ADAMTS8: variants seen among roughly 807,000 people sequenced by gnomAD.
The protein encoded by ADAMTS8 is A disintegrin and metalloproteinase with thrombospondin motifs 8.
In ADAMTS8, 50 loss-of-function variants were observed where a neutral mutation model predicts 64.4. That is an observed-to-expected ratio of 0.78 (90% CI 0.62 to 0.98). The LOEUF is 0.98. Ranked by LOEUF, ADAMTS8 falls within the 50% of genes least tolerant of loss-of-function variation. The probability of loss-of-function intolerance (pLI) is 0.00; values close to 1 mark genes in which losing one functional copy is unlikely to be tolerated. For missense variants in ADAMTS8, 1,192 were observed against 1,208.2 expected (o/e 0.99, Z 0.20); for synonymous variants, 556 against 533.6 (o/e 1.04, Z -0.58).
At chr11:130,406,906 C>A (rs1861892056) in intron 8 of ADAMTS8, among the ~76,000 whole-genome samples, 1 of 152,040 alleles carries the variant, frequency 6.6e-6, no homozygotes. Context: ...GTCAGGCGGG[C>A]TTTTTGCTTT....
chr11:130,428,397 A>C lies in ADAMTS8; in HGVS notation c.-111T>G. The C allele has an allele frequency of 8.5e-7, 1 of 1,173,268 alleles. No homozygotes were observed. The highest frequency in any genetic ancestry group is 1.1e-6 in the Non-Finnish European group (1 of 943,274). 72.7% of individuals were successfully genotyped at this position (1,173,268 alleles called of 1,614,324 possible). ...CGCTCTCTCCAGGAAAAGCGGAATCAATCGGGTGCAAGGCCGACTCGGCCC... is the reference window on the plus strand; with the variant it reads ...CGCTCTCTCCAGGAAAAGCGGAATCCATCGGGTGCAAGGCCGACTCGGCCC... On this transcript the variant is annotated 5_prime_UTR_variant, in exon 1 of 9. In the 5' UTR this introduces an upstream ATG that the reference lacks. Coordinates refer to ENST00000257359, the MANE Select transcript of ADAMTS8 (RefSeq NM_007037.6).
chr11:130,409,702 G>A (rs552559238), intron 6 of ADAMTS8, among the ~76,000 whole-genome samples: 2 of 152,326 alleles, frequency 1.3e-5, no homozygotes, highest in South Asian at 4.1e-4. Context: ...ACCTGTGCCT[G>A]CCTCCTCTCC....
In ADAMTS8 at chr11:130,411,182, A is replaced by G. The variant is rs1332487191; in HGVS notation, c.1750+235T>C. ...GACTTTGCCAGGCTCTCTGAACACT[A>G]TGAGAGCTGTCCCGGGTCCCTGAGA... On this transcript the variant is annotated intron_variant, in intron 6 of 8. Coordinates refer to ENST00000257359, the MANE Select transcript of ADAMTS8 (RefSeq NM_007037.6). The surrounding 1 kb of genome is among the most constrained non-coding windows in gnomAD (Gnocchi z 4.2). 6.6e-6 allele frequency among the ~76,000 whole-genome samples: 1 copy of G among 152,086 alleles called. No homozygotes were observed. Among genetic ancestry groups the G allele is most frequent in the African/African-American group, 2.4e-5 (1 of 41,410 alleles).
chr11:130,424,962 C>G (rs1183503904), intron 1 of ADAMTS8, among the ~76,000 whole-genome samples: 1 of 152,070 alleles, frequency 6.6e-6, no homozygotes, highest in Non-Finnish European at 1.5e-5. Context: ...ACTCAGAAGT[C>G]AACCCCCTAG....
chr11:130,422,730 A>C (rs1862117175), intron 1 of ADAMTS8, among the ~76,000 whole-genome samples: 1 of 152,244 alleles, frequency 6.6e-6, no homozygotes, highest in Non-Finnish European at 1.5e-5. Context: ...GCTGACGCTG[A>C]ACTACAAGTC....
chr11:130,426,559 CACCCCTCTTCTGGAAGCCTT>C (rs1294181087), intron 1 of ADAMTS8, among the ~76,000 whole-genome samples: 4 of 152,324 alleles, frequency 2.6e-5, no homozygotes, highest in African/African-American at 9.6e-5. Context: ...GGGCAAAGAG[CACCCCTCTTCTGGAAGCCTT>C]ACCCTCTTTT....
rs778159672 is a variant in ADAMTS8, at chr11:130,411,360, T to A, written c.1750+57A>T. 10 of 1,573,844 alleles carry A rather than the reference T, an allele frequency of 6.4e-6. No homozygotes were observed. Among genetic ancestry groups the A allele is most frequent in the Admixed American group, 1.7e-5 (1 of 57,582 alleles). ...TCCCACTTTACACATCCTCTGGGGA[T>A]GCGTCATAGCAATGATAGTAGCTGC... On this transcript the variant is annotated intron_variant, in intron 6 of 8. Transcript: ENST00000257359. The surrounding 1 kb of genome is among the most constrained non-coding windows in gnomAD (Gnocchi z 4.2).
chr11:130,406,142 A>C lies in ADAMTS8; in HGVS notation c.2100-14T>G, dbSNP rs1296471925. 1 of 1,598,786 alleles carries C rather than the reference A, an allele frequency of 6.3e-7. No homozygotes were observed. The highest frequency in any genetic ancestry group is 1.3e-5 in the African/African-American group (1 of 74,862). ...TTGTAGCCATAACTGTGATAGAAACAGAAGGACACCCTTAGACCAGTGGCT... is the reference window on the plus strand; with the variant it reads ...TTGTAGCCATAACTGTGATAGAAACCGAAGGACACCCTTAGACCAGTGGCT... On this transcript the variant is annotated splice_polypyrimidine_tract_variant and intron_variant, in intron 8 of 8. Transcript: ENST00000257359.
At chr11:130,414,056 G>C (rs1489603847) in intron 5 of ADAMTS8, among the ~76,000 whole-genome samples, 1 of 149,434 alleles carries the variant, frequency 6.7e-6, no homozygotes, top group Non-Finnish European at 1.5e-5. Context: ...GCTTTGGTTT[G>C]TTTGTTAAAA....
At chr11:130,410,771 C>T (rs1456707850) in intron 6 of ADAMTS8, among the ~76,000 whole-genome samples, 1 of 152,130 alleles carries the variant, frequency 6.6e-6, no homozygotes, top group Non-Finnish European at 1.5e-5. Flanking sequence ...AGTTAATGTT[C>T]ATGGTTTCCA....
chr11:130,413,493 C>T (rs1054348120), intron 5 of ADAMTS8, among the ~76,000 whole-genome samples: 27 of 152,120 alleles, frequency 1.8e-4, no homozygotes, highest in African/African-American at 4.3e-4. Flanking sequence ...TGGCGGGGAC[C>T]GGGCTGTGAA....
chr11:130,414,862 A>T (rs1862001708), intron 4 of ADAMTS8, 30 bp from the exon 5 acceptor site: 1 of 1,570,484 alleles, frequency 6.4e-7, no homozygotes, highest in Admixed American at 1.8e-5. Flanking sequence ...GGGTGTAAGA[A>T]CATGCACAGG....
Position 130,408,792 on chromosome 11 carries a change from G to A in ADAMTS8, c.1899C>T (p.Ser633=), listed in dbSNP as rs765484464. The part of the protein sequence containing the change: ...CKLFCRARGR[S]EFKVFEAKVI... ...CCTTGGCCTCGAACACTTTGAACTC[G>A]CTCCTCCCCCGGGCTCGGCAGAACA... Residue 633 remains serine (S), a synonymous_variant, in exon 7 of 9, where the codon AGC becomes AGT. Coordinates refer to ENST00000257359, the MANE Select transcript of ADAMTS8 (RefSeq NM_007037.6). 9 of 1,613,970 alleles carry A rather than the reference G, an allele frequency of 5.6e-6. No individual in the cohort carries two copies. Among genetic ancestry groups the A allele is most frequent in the South Asian group, 4.4e-5 (4 of 91,072 alleles).
intron 2 of ADAMTS8, among the ~76,000 whole-genome samples, chr11:130,418,657 G>A (rs550276194): frequency 6.6e-6 from 1 of 152,344 alleles, no homozygotes; most frequent in East Asian, 1.9e-4. Context: ...TGCCGTGTAG[G>A]TGGGCAGCCC....
chr11:130,416,277 C>T lies in ADAMTS8; in HGVS notation c.1150G>A (p.Gly384Arg), dbSNP rs760656228. The change falls in exon 4 of 9, where the codon GGG (glycine) becomes AGG (arginine). Residue 384 changes from glycine (G) to arginine (R), a missense_variant. Around this residue, in one of 5 missense-constraint regions of ADAMTS8, gnomAD observed 741 missense variants for 710.6 expected, o/e 1.04. Coordinates refer to ENST00000257359, the MANE Select transcript of ADAMTS8 (RefSeq NM_007037.6). The surrounding 1 kb of genome is among the most constrained non-coding windows in gnomAD (Gnocchi z 4.8). ...DDSKPCTRLF[G>R]PMGKHHVMAP... ...ATCACGTGGTGCTTGCCCATGGGCC[C>T]GAAGAGCCGTGTGCAGGGCTTGGAG... is the stretch of plus-strand genomic sequence containing the variant. The T allele has an allele frequency of 5.6e-5, 88 of 1,578,072 alleles. No homozygotes were observed. The Middle Eastern group carries it at 2.5e-3, about 46-fold the overall frequency.
Position 130,408,750 on chromosome 11 carries a change from T to C in ADAMTS8, c.1923+18A>G. 6.2e-7 allele frequency: 1 copy of C among 1,613,810 alleles called. No individual in the cohort carries two copies. The highest frequency in any genetic ancestry group is 8.5e-7 in the Non-Finnish European group (1 of 1,179,926). Reference sequence around the variant, plus strand: ...CTTCCTCCCCATCTCTGGATCTGAGTCCCAGGGTGATTCTCACCTTGGCCT... The same window carrying C: ...CTTCCTCCCCATCTCTGGATCTGAGCCCCAGGGTGATTCTCACCTTGGCCT... On this transcript the variant is annotated intron_variant, in intron 7 of 8. Coordinates refer to ENST00000257359, the MANE Select transcript of ADAMTS8 (RefSeq NM_007037.6).
At chr11:130,409,816 C>G (rs1201911957) in intron 6 of ADAMTS8, among the ~76,000 whole-genome samples, 1 of 152,220 alleles carries the variant, frequency 6.6e-6, no homozygotes, top group African/African-American at 2.4e-5. Flanking sequence ...GCCAAGGTTC[C>G]CTGCCCAAAC....
chr11:130,416,253 T>A lies in ADAMTS8; in HGVS notation c.1174A>T (p.Met392Leu). The change falls in exon 4 of 9, where the codon ATG (methionine) becomes TTG (leucine). Residue 392 changes from methionine to leucine, a missense_variant. Coordinates refer to ENST00000257359, the MANE Select transcript of ADAMTS8 (RefSeq NM_007037.6). This position sits in a 1 kb window ranked among gnomAD's most constrained non-coding sequence, Gnocchi z 4.8. ...TTCAGGTGGACGAACAGCGGTGCCA[T>A]CACGTGGTGCTTGCCCATGGGCCCG... ...LFGPMGKHHVMAPLFVHLNQT... is the reference protein window; with the variant it reads ...LFGPMGKHHVLAPLFVHLNQT... 1 of 1,585,526 alleles carries A rather than the reference T, an allele frequency of 6.3e-7. No homozygotes were observed. The highest frequency in any genetic ancestry group is 8.6e-7 in the Non-Finnish European group (1 of 1,166,554).
intron 8 of ADAMTS8, among the ~76,000 whole-genome samples, chr11:130,407,993 T>G (rs1348687034): frequency 1.3e-5 from 2 of 152,172 alleles, no homozygotes. Flanking sequence ...ATGAAAGCCC[T>G]GAGGCTGCCA....
Sources: gnomAD v4.1 joint callset for allele counts (sites outside exome capture counted in the v4.1 genomes callset) on GRCh38, gnomAD v4.1.1 for gene constraint, gnomAD v4.1.1 regional missense constraint, Gnocchi (gnomAD v3.1) non-coding constraint, MANE v1.5 for transcripts, NCBI Gene and HGNC (gene_info 2026-07-23, HGNC 2026-07-21) for gene names.